PDZRN3: variants seen among roughly 807,000 people sequenced by gnomAD.
PDZRN3 encodes the protein PDZ domain containing ring finger 3, also known as E3 ubiquitin-protein ligase PDZRN3.
A neutral mutation model predicts 85.7 loss-of-function variants in PDZRN3; 38 were observed. The ratio of observed to expected loss-of-function variants is 0.44; its 90% CI spans 0.34 to 0.58. The LOEUF (loss-of-function observed/expected upper bound fraction) is 0.58, where lower values mean the gene tolerates loss of function less well. Among genes scored for constraint, PDZRN3 ranks in the 20% least tolerant of loss-of-function variants. The pLI is 0.01. For missense variants in PDZRN3, 1,629 were observed against 1,506.4 expected (o/e 1.08, Z -1.35); for synonymous variants, 759 against 638.0 (o/e 1.19, Z -2.86).
intron 2 of PDZRN3, among the ~76,000 whole-genome samples, chr3:73,606,376 G>C (rs1702599419): frequency 6.6e-6 from 1 of 152,148 alleles, no homozygotes; most frequent in South Asian, 2.1e-4. Flanking sequence ...TGAACCACGG[G>C]CTCAAGTCTG....
intron 3 of PDZRN3, among the ~76,000 whole-genome samples, chr3:73,484,595 G>T (rs147840504): frequency 6.6e-6 from 1 of 152,236 alleles, no homozygotes; most frequent in African/African-American, 2.4e-5. Flanking sequence ...AGCTGCAGCA[G>T]ATTGTTCTTC....
At chr3:73,544,492 G>A (rs1279776539) in intron 3 of PDZRN3, among the ~76,000 whole-genome samples, 4 of 151,982 alleles carry the variant, frequency 2.6e-5, no homozygotes, top group African/African-American at 7.2e-5. Flanking sequence ...TAGTTGATAT[G>A]ATAGTAGGTG....
At chr3:73,486,109 A>G (rs981611881) in intron 3 of PDZRN3, among the ~76,000 whole-genome samples, 2 of 152,226 alleles carry the variant, frequency 1.3e-5, no homozygotes, top group Non-Finnish European at 2.9e-5. Flanking sequence ...GGAAGCTGGG[A>G]AAGAGCACGC....
chr3:73,539,580 C>T (rs1704866915), intron 3 of PDZRN3, among the ~76,000 whole-genome samples: 1 of 152,056 alleles, frequency 6.6e-6, no homozygotes. Flanking sequence ...CCTGTGTGAG[C>T]CTCCTTGTGC....
intron 3 of PDZRN3, among the ~76,000 whole-genome samples, chr3:73,592,520 GC>G (rs916643134): frequency 2.0e-5 from 3 of 152,076 alleles, no homozygotes; most frequent in Admixed American, 1.3e-4. Context: ...AGCCTAAAGG[GC>G]AGAGGGGAGT....
chr3:73,609,311 C>A (rs1702649116), intron 1 of PDZRN3, among the ~76,000 whole-genome samples: 1 of 152,144 alleles, frequency 6.6e-6, no homozygotes, highest in Non-Finnish European at 1.5e-5. Context: ...AGAAAGCACT[C>A]TGTTTAAGGC....
At chr3:73,569,564 G>A (rs1334683609) in intron 3 of PDZRN3, 23 of 1,048,402 alleles carry the variant, frequency 2.2e-5, no homozygotes, top group Middle Eastern at 4.6e-4. Context: ...CCCCACACCC[G>A]CACACACATT....
At chr3:73,582,518 C>T (rs780365429) in intron 3 of PDZRN3, among the ~76,000 whole-genome samples, 7 of 151,666 alleles carry the variant, frequency 4.6e-5, no homozygotes, top group Admixed American at 6.6e-5. Flanking sequence ...TATATATATA[C>T]AGTTGGCTAA....
Position 73,384,067 on chromosome 3 carries a change from C to G in PDZRN3, c.2499G>C (p.Gln833His). ...CTCTCCGCTCTTTGCTTTCCAGGGGCTGGTTGGGGTCCAGCTCCTTCAGGG... is the reference window on the plus strand; with the variant it reads ...CTCTCCGCTCTTTGCTTTCCAGGGGGTGGTTGGGGTCCAGCTCCTTCAGGG... ...SPSLKELDPN[Q>H]PLESKERRAS... Residue 833 changes from glutamine to histidine, a missense_variant, in exon 10 of 10, where the codon CAG becomes CAC. By Grantham distance (24) the Gln-to-His change is conservative (BLOSUM62 0). Transcript: ENST00000263666. The G allele has an allele frequency of 1.2e-6, 2 of 1,610,062 alleles. No homozygotes were observed. The highest frequency in any genetic ancestry group is 1.1e-5 in the South Asian group (1 of 90,530).
At chr3:73,423,514 CA>C (rs1160175576) in intron 3 of PDZRN3, among the ~76,000 whole-genome samples, 1 of 151,896 alleles carries the variant, frequency 6.6e-6, no homozygotes, top group Non-Finnish European at 1.5e-5. Flanking sequence ...TGTTTGTTCA[CA>C]AAAAAAGATA....
At chr3:73,558,282 A>G (rs2106822268) in intron 3 of PDZRN3, among the ~76,000 whole-genome samples, 1 of 152,260 alleles carries the variant, frequency 6.6e-6, no homozygotes, top group South Asian at 2.1e-4. Flanking sequence ...TTTAAAAAAC[A>G]AAGTACTAAA....
At chr3:73,484,066 A>G (rs1156614801) in intron 3 of PDZRN3, among the ~76,000 whole-genome samples, 1 of 152,198 alleles carries the variant, frequency 6.6e-6, no homozygotes, top group African/African-American at 2.4e-5. Flanking sequence ...AATCCTGGCA[A>G]ACATGATGCG....
chr3:73,609,363 AG>A (rs1702650201), intron 1 of PDZRN3, among the ~76,000 whole-genome samples: 1 of 152,226 alleles, frequency 6.6e-6, no homozygotes, highest in African/African-American at 2.4e-5. Flanking sequence ...GAAGTGACCC[AG>A]GCAGGTCACA....
chr3:73,385,022 C>A (rs927617167), intron 9 of PDZRN3, 92 bp from the exon 10 acceptor site: 27 of 1,435,826 alleles, frequency 1.9e-5, no homozygotes, highest in Non-Finnish European at 2.4e-5. Context: ...CTGGATAGGG[C>A]AGGCTGTACA....
intron 3 of PDZRN3, among the ~76,000 whole-genome samples, chr3:73,562,707 A>G (rs2106832060): frequency 6.6e-6 from 1 of 152,148 alleles, no homozygotes; most frequent in African/African-American, 2.4e-5. Flanking sequence ...CAAAGCCCGA[A>G]TAGAGAGCAC....
chr3:73,546,737 T>A (rs1701431069), intron 3 of PDZRN3, among the ~76,000 whole-genome samples: 1 of 152,216 alleles, frequency 6.6e-6, no homozygotes. Context: ...ATGGTAAAAT[T>A]TAAATGCAGT....
chr3:73,422,400 T>G (rs1702221834), intron 3 of PDZRN3, among the ~76,000 whole-genome samples: 1 of 152,220 alleles, frequency 6.6e-6, no homozygotes, highest in Non-Finnish European at 1.5e-5. Context: ...AGGGGCTGTG[T>G]GAGAAATACA....
At chr3:73,508,380 G>A (rs927408444) in intron 3 of PDZRN3, among the ~76,000 whole-genome samples, 20 of 152,166 alleles carry the variant, frequency 1.3e-4, no homozygotes, top group Non-Finnish European at 2.8e-4. Flanking sequence ...CAGCAGTGAA[G>A]ACATAAAGGA....
At chr3:73,588,561 C>T (rs187821038) in intron 3 of PDZRN3, among the ~76,000 whole-genome samples, 1 of 152,254 alleles carries the variant, frequency 6.6e-6, no homozygotes, top group East Asian at 1.9e-4. Context: ...CACCACTGTC[C>T]TGACTTCTAC....
Sources: gnomAD v4.1 joint callset for allele counts (sites outside exome capture counted in the v4.1 genomes callset) on GRCh38, gnomAD v4.1.1 for gene constraint, MANE v1.5 for transcripts, NCBI Gene and HGNC (gene_info 2026-07-23, HGNC 2026-07-21) for gene names.